CRACR2A: variants seen among roughly 807,000 people sequenced by gnomAD.
CRACR2A encodes the protein calcium release activated channel regulator 2A, also known as EF-hand calcium-binding domain-containing protein 4B.
CRACR2A carries 79 observed loss-of-function variants against 90.5 expected under a neutral mutation model. That is an observed-to-expected ratio of 0.87 (90% CI 0.73 to 1.05). The LOEUF (loss-of-function observed/expected upper bound fraction) is 1.05, where lower values mean the gene tolerates loss of function less well. Ranked by LOEUF, CRACR2A falls within the 50% of genes least tolerant of loss-of-function variation. The pLI, the probability that CRACR2A is intolerant of heterozygous loss-of-function variation, is 0.00. For synonymous variants in CRACR2A, 338 were observed against 356.7 expected, an observed-to-expected ratio of 0.95 and a Z score of 0.59; for missense variants, 823 against 897.2, an observed-to-expected ratio of 0.92 and a Z score of 1.06.
chr12:3,621,262 G>A (rs958590550), intron 17 of CRACR2A, among the ~76,000 whole-genome samples: 4 of 152,158 alleles, frequency 2.6e-5, no homozygotes, highest in African/African-American at 7.2e-5. Context: ...CTCGCTTGCA[G>A]AGGGGATGAT....
intron 2 of CRACR2A, among the ~76,000 whole-genome samples, chr12:3,717,325 C>G (rs1240844022): frequency 1.3e-5 from 2 of 152,156 alleles, no homozygotes; most frequent in African/African-American, 4.8e-5. Context: ...CTCTGAAGAG[C>G]CAGGAGTGCT....
At chr12:3,644,148 T>C (rs2336366) in intron 12 of CRACR2A, among the ~76,000 whole-genome samples, 28,456 of 148,152 alleles carry the variant, frequency 0.19, 3,482 homozygotes, top group East Asian at 0.43. Context: ...TAGAGAAAAA[T>C]TGTTCATAAA....
rs779876231 is a variant in CRACR2A at position 3,679,111 on chromosome 12, G to A, written c.341-13C>T. The A allele has an allele frequency of 1.6e-5, 25 of 1,607,122 alleles. No individual in the cohort carries two copies. In the Admixed American group the frequency reaches 3.9e-4, roughly 25 times the overall value. On this transcript the variant is annotated splice_polypyrimidine_tract_variant and intron_variant, in intron 5 of 19. Transcript: ENST00000440314. ...AAGAAGAAGTGACCTGGGGGGTGCA[G>A]GGCACAAGGATCCGAATTAGACCAT...
chr12:3,748,515 A>C (rs921402854), intron 1 of CRACR2A, among the ~76,000 whole-genome samples: 12 of 152,284 alleles, frequency 7.9e-5, no homozygotes, highest in African/African-American at 2.9e-4. Flanking sequence ...CTCCTGAAGA[A>C]TCTGTCACAA....
chr12:3,635,452 A>T (rs1944439199), intron 14 of CRACR2A, among the ~76,000 whole-genome samples: 1 of 152,198 alleles, frequency 6.6e-6, no homozygotes, highest in Non-Finnish European at 1.5e-5. Context: ...GTAGAGAGGA[A>T]ATTAATTCTT....
Position 3,746,007 on chromosome 12 carries a change from G to A in CRACR2A, c.-387+7008C>T, listed in dbSNP as rs1046481746. 6.6e-6 allele frequency among the ~76,000 whole-genome samples: 1 copy of A among 151,974 alleles called. No individual in the cohort carries two copies. The highest frequency in any genetic ancestry group is 6.6e-5 in the Admixed American group (1 of 15,258). ...GTCTTCAGAAGGGCATGGCCCTGTCGAGGGGGTGAAGGGCTGTTCCTGTGC... is the reference window on the plus strand; with the variant it reads ...GTCTTCAGAAGGGCATGGCCCTGTCAAGGGGGTGAAGGGCTGTTCCTGTGC... On this transcript the variant is annotated intron_variant, in intron 1 of 19. Coordinates refer to ENST00000440314, the MANE Select transcript of CRACR2A (RefSeq NM_001144958.2). This position sits in a 1 kb window ranked among gnomAD's most constrained non-coding sequence, Gnocchi z 4.4.
At chr12:3,736,643 TCA>T (rs1946455375) in intron 1 of CRACR2A, among the ~76,000 whole-genome samples, 1 of 152,052 alleles carries the variant, frequency 6.6e-6, no homozygotes, top group African/African-American at 2.4e-5. Flanking sequence ...AGGGCTGGAA[TCA>T]TGCAGGACAC....
intron 15 of CRACR2A, among the ~76,000 whole-genome samples, chr12:3,630,323 G>A (rs1944356683): frequency 6.6e-6 from 1 of 152,182 alleles, no homozygotes; most frequent in Admixed American, 6.5e-5. Context: ...TGCCAGGAGG[G>A]TGACCTTAAC....
At chr12:3,702,916 G>A (rs1317544695) in intron 3 of CRACR2A, among the ~76,000 whole-genome samples, 1 of 152,194 alleles carries the variant, frequency 6.6e-6, no homozygotes, top group Non-Finnish European at 1.5e-5. Flanking sequence ...GCAAGACAGT[G>A]CTACTGGCAT....
chr12:3,740,640 A>G (rs944999747), intron 1 of CRACR2A, among the ~76,000 whole-genome samples: 1 of 152,222 alleles, frequency 6.6e-6, no homozygotes, highest in Non-Finnish European at 1.5e-5. Context: ...ATTGCTGTAC[A>G]CATTTGAAAG....
Position 3,616,963 on chromosome 12 carries a change from T to C in CRACR2A, c.2102A>G (p.His701Arg). 1.9e-6 allele frequency: 3 copies of C among 1,551,026 alleles called. No individual in the cohort carries two copies. In the South Asian group the frequency reaches 3.6e-5, roughly 18 times the overall value. The change falls in exon 19 of 20, where the codon CAT (histidine) becomes CGT (arginine). Residue 701 changes from histidine to arginine, a missense_variant. His to Arg is a conservative substitution (Grantham distance 29). Coordinates refer to ENST00000440314, the MANE Select transcript of CRACR2A (RefSeq NM_001144958.2). ...SGHNTKESLL[H>R]LARFLKEQED... is the part of the protein sequence containing the mutation. ...GAGCACATCTCTTTACCTGGCCAGA[T>C]GGAGCAGGGACTCTTTGGTGTTGTG... is the stretch of plus-strand genomic sequence containing the variant.
At chr12:3,649,929 A>G (rs540960210) in intron 10 of CRACR2A, among the ~76,000 whole-genome samples, 1 of 152,278 alleles carries the variant, frequency 6.6e-6, no homozygotes, top group East Asian at 1.9e-4. Context: ...CAGGGAAGAA[A>G]GGAAAGAAAA....
chr12:3,656,054 T>C (rs1944899905), intron 9 of CRACR2A, among the ~76,000 whole-genome samples: 2 of 152,182 alleles, frequency 1.3e-5, no homozygotes, highest in Admixed American at 1.3e-4. Context: ...TGGGTATAAT[T>C]ATAGGAACAT....
intron 11 of CRACR2A, chr12:3,648,117 T>G: frequency 2.0e-6 from 2 of 1,012,290 alleles, no homozygotes; most frequent in Non-Finnish European, 2.4e-6. Context: ...GGTAAATTAC[T>G]TCTTTCCTCT....
rs565289240 is a variant in CRACR2A at position 3,648,058 on chromosome 12, G to A, written c.1118+484C>T. The A allele has an allele frequency of 1.0e-5, 10 of 992,078 alleles. No individual in the cohort carries two copies. In the South Asian group the frequency reaches 4.6e-4, roughly 46 times the overall value. 61.5% of individuals were successfully genotyped at this position (992,078 alleles called of 1,614,324 possible). On this transcript the variant is annotated intron_variant, in intron 11 of 19. Transcript: ENST00000440314. ...ACAAACATGAACAGAACACAGCCGA[G>A]TTACGGATTTCCATTCTGGCCCCAT... is the stretch of plus-strand genomic sequence containing the variant.
At chr12:3,726,582 C>T (rs1186095537) in intron 2 of CRACR2A, 2 of 152,092 alleles carry the variant, frequency 1.3e-5, no homozygotes, top group East Asian at 1.9e-4. Context: ...TATATGATAA[C>T]AGGAAGAAGG....
intron 19 of CRACR2A, among the ~76,000 whole-genome samples, chr12:3,615,747 C>T (rs1432247663): frequency 6.6e-6 from 1 of 152,210 alleles, no homozygotes; most frequent in Non-Finnish European, 1.5e-5. Context: ...TGTCATGACC[C>T]CATCACCCAG....
At chr12:3,733,551 G>A (rs986563444) in intron 1 of CRACR2A, among the ~76,000 whole-genome samples, 7 of 152,086 alleles carry the variant, frequency 4.6e-5, no homozygotes, top group Non-Finnish European at 1.0e-4. Flanking sequence ...TGGATGCTGT[G>A]CCATCTGATG....
chr12:3,619,203 T>C (rs1397129489), intron 18 of CRACR2A, 68 bp downstream of exon 18: 10 of 1,327,896 alleles, frequency 7.5e-6, no homozygotes, highest in Non-Finnish European at 9.4e-6. Flanking sequence ...ACCAAGGCTC[T>C]TGGGCACTTG....
Sources: gnomAD v4.1 joint callset for allele counts (sites outside exome capture counted in the v4.1 genomes callset) on GRCh38, gnomAD v4.1.1 for gene constraint, Gnocchi (gnomAD v3.1) non-coding constraint, MANE v1.5 for transcripts, NCBI Gene and HGNC (gene_info 2026-07-23, HGNC 2026-07-21) for gene names.